Variants in DCLK2 observed in about 807,000 individuals in gnomAD.
DCLK2 encodes the protein serine/threonine-protein kinase DCLK2.
A neutral mutation model predicts 78.4 loss-of-function variants in DCLK2; 31 were observed. That is an observed-to-expected ratio of 0.40 (90% CI 0.30 to 0.53). The LOEUF is 0.53. Ranked by LOEUF, DCLK2 falls within the 20% of genes least tolerant of loss-of-function variation. DCLK2 has a pLI of 0.61. For synonymous variants in DCLK2, 407 were observed against 374.9 expected, an observed-to-expected ratio of 1.09 and a Z score of -0.99; for missense variants, 872 against 973.7, an observed-to-expected ratio of 0.90 and a Z score of 1.39.
chr4:150,198,297 T>A (rs2126421970), intron 4 of DCLK2, among the ~76,000 whole-genome samples, 194 bp downstream of exon 4: 1 of 152,326 alleles, frequency 6.6e-6, no homozygotes, highest in Middle Eastern at 3.4e-3. Context: ...CTAAGAGACT[T>A]GTGTGGTTTT....
intron 1 of DCLK2, 96 bp from the exon 2 acceptor site, chr4:150,102,382 A>G: frequency 8.6e-7 from 1 of 1,160,050 alleles, no homozygotes; most frequent in Non-Finnish European, 1.2e-6. Context: ...ACTAAGGTTA[A>G]GGGTTCACTT....
intron 2 of DCLK2, among the ~76,000 whole-genome samples, chr4:150,181,620 T>G (rs1194313477): frequency 1.3e-5 from 2 of 151,910 alleles, no homozygotes; most frequent in African/African-American, 4.8e-5. Context: ...ATCCAGTGTT[T>G]TTTTATTTTT....
chr4:150,256,375 C>A lies in DCLK2; in HGVS notation c.*128C>A. 1 of 1,301,106 alleles carries A rather than the reference C, an allele frequency of 7.7e-7. No individual in the cohort carries two copies. Among genetic ancestry groups the A allele is most frequent in the Non-Finnish European group, 1.0e-6 (1 of 982,246 alleles). The allele number at this position is 1,301,106 out of a possible 1,614,324, so 80.6% of individuals were successfully genotyped here. ...TGCGCCTGAGTTCGCGGGTCCTCCG[C>A]AGGCCGCCTGGGAACCGGAGCCTGG... On this transcript the variant is annotated 3_prime_UTR_variant, in exon 16 of 16. Coordinates refer to ENST00000296550, the MANE Select transcript of DCLK2 (RefSeq NM_001040260.4).
In DCLK2 at chr4:150,198,083, G is replaced by C. The variant is rs756136401; in HGVS notation, c.941G>C (p.Arg314Pro). 5.0e-6 allele frequency: 8 copies of C among 1,613,344 alleles called. No homozygotes were observed. In the Middle Eastern group the frequency reaches 4.9e-4, roughly 99 times the overall value. ...SGSKSPGPSR[R>P]SKSPASVNGT... ...TCCAAAAGCCCTGGGCCCTCTCGAC[G>C]CAGCAAATCACCAGCTTCAGGTAGT... is the stretch of plus-strand genomic sequence containing the variant. Residue 314 changes from arginine (R) to proline (P), a missense_variant, in exon 4 of 16, where the codon CGC (arginine) becomes CCC (proline). Coordinates refer to ENST00000296550, the MANE Select transcript of DCLK2 (RefSeq NM_001040260.4).
chr4:150,193,862 C>T (rs1163517932), intron 3 of DCLK2, among the ~76,000 whole-genome samples: 1 of 152,054 alleles, frequency 6.6e-6, no homozygotes, highest in Non-Finnish European at 1.5e-5. Flanking sequence ...AGTAATCCTC[C>T]TGCCTCAGCC....
intron 2 of DCLK2, among the ~76,000 whole-genome samples, chr4:150,136,982 T>C (rs113891772): frequency 8.3e-4 from 113 of 136,296 alleles, no homozygotes; most frequent in African/African-American, 1.3e-3. Context: ...TCTTCTTCTT[T>C]TTTTTTTTTT....
In DCLK2 at chr4:150,157,525, G is replaced by T. The variant is rs13434548; in HGVS notation, c.757-35613G>T. Reference sequence around the variant, plus strand: ...TGTTTGTTTGTTTGTTTGTTTGTTTGTTTTTGAGCTGGAGTCTCTCTCTCT... The same window carrying T: ...TGTTTGTTTGTTTGTTTGTTTGTTTTTTTTTGAGCTGGAGTCTCTCTCTCT... On this transcript the variant is annotated intron_variant, in intron 2 of 15. Transcript: ENST00000296550. Among the ~76,000 whole-genome samples the T allele has an allele frequency of 4.9e-3, 396 of 80,234 alleles. 10 individuals carry two copies. Among genetic ancestry groups the T allele is most frequent in the East Asian group, 0.026 (57 of 2,214 alleles). 52.6% of individuals were successfully genotyped at this position (80,234 alleles called of 152,430 possible). A position where few individuals can be genotyped will look rare whatever the true frequency, so the allele number is the denominator to read the frequency against.
chr4:150,240,361 C>T, intron 11 of DCLK2, 38 bp from the exon 12 acceptor site: 7 of 1,580,394 alleles, frequency 4.4e-6, no homozygotes, highest in Non-Finnish European at 5.2e-6. Flanking sequence ...TCTTGGGAGC[C>T]ATCAGTTCTC....
At chr4:150,123,933 G>A (rs947667132) in intron 2 of DCLK2, among the ~76,000 whole-genome samples, 3 of 151,900 alleles carry the variant, frequency 2.0e-5, no homozygotes, top group South Asian at 4.2e-4. Context: ...CCAGCTACTC[G>A]GGTGGCTGAG....
At chr4:150,079,490 C>G (rs533492786) in intron 1 of DCLK2, 42 bp downstream of exon 1, 4 of 1,437,722 alleles carry the variant, frequency 2.8e-6, no homozygotes, top group East Asian at 5.2e-5. Flanking sequence ...GGCGGAGCGC[C>G]GGCAGGTGCA....
chr4:150,177,009 A>C (rs986549922), intron 2 of DCLK2, among the ~76,000 whole-genome samples: 11 of 152,234 alleles, frequency 7.2e-5, no homozygotes, highest in Non-Finnish European at 1.6e-4. Context: ...ATAAGATGCT[A>C]CATGCATACA....
chr4:150,240,039 G>A (rs1742797985), intron 11 of DCLK2, among the ~76,000 whole-genome samples, 164 bp downstream of exon 11: 1 of 152,276 alleles, frequency 6.6e-6, no homozygotes, highest in African/African-American at 2.4e-5. Flanking sequence ...TGCTATTGCT[G>A]CTTGTGTATA....
rs77454086 is a variant in DCLK2, at chr4:150,230,539, C to T, written c.1300-1798C>T. The stretch of plus-strand genomic sequence containing the variant: ...AAAACCTATTTAATGACAGTAGCAA[C>T]TGTTGTCTTTGCTTCACACGGAGGG... On this transcript the variant is annotated intron_variant, in intron 8 of 15. Transcript: ENST00000296550. Among the ~76,000 whole-genome samples, 765 of 152,298 alleles carry T rather than the reference C, an allele frequency of 5.0e-3. 8 individuals are homozygous for T. Among genetic ancestry groups the T allele is most frequent in the African/African-American group, 0.017 (720 of 41,564 alleles).
In DCLK2 at chr4:150,172,764, G is replaced by GTTTTT. The variant is rs747350294; in HGVS notation, c.757-20374_757-20373insTTTTT. ...AGAGAGTGTTCTTTTTTTTTTTGGG[G>GTTTTT]GGGGGGGGGATACCTTGCTCTTTCT... On this transcript the variant is annotated intron_variant, in intron 2 of 15. Transcript: ENST00000296550. 2.2e-4 allele frequency among the ~76,000 whole-genome samples: 28 copies of GTTTTT among 128,084 alleles called. 2 individuals are homozygous for GTTTTT. The highest frequency in any genetic ancestry group is 3.7e-4 in the Admixed American group (5 of 13,376). The allele number at this position is 128,084 out of a possible 152,430, so 84.0% of individuals were successfully genotyped here. A position where few individuals can be genotyped will look rare whatever the true frequency, so the allele number is the denominator to read the frequency against.
chr4:150,235,498 C>G (rs1742426883), intron 10 of DCLK2, among the ~76,000 whole-genome samples: 1 of 152,120 alleles, frequency 6.6e-6, no homozygotes, highest in Non-Finnish European at 1.5e-5. Flanking sequence ...CACCCCTTCC[C>G]AAACCTACGG....
At chr4:150,140,437 G>A (rs1433405920) in intron 2 of DCLK2, among the ~76,000 whole-genome samples, 1 of 152,198 alleles carries the variant, frequency 6.6e-6, no homozygotes, top group Admixed American at 6.5e-5. Flanking sequence ...TACCAGCAAA[G>A]GGGTCCACAG....
intron 2 of DCLK2, among the ~76,000 whole-genome samples, chr4:150,109,533 T>C (rs1731514562): frequency 6.6e-6 from 1 of 152,098 alleles, no homozygotes; most frequent in Non-Finnish European, 1.5e-5. Flanking sequence ...GAGACAGGGT[T>C]TCACCATGTT....
At position 150,249,672 on chromosome 4, in the gene DCLK2, C is replaced by A; in HGVS notation, c.2061C>A (p.Val687=). 3 of 1,613,422 alleles carry A rather than the reference C, an allele frequency of 1.9e-6. No homozygotes were observed. The South Asian group carries it at 3.3e-5, about 18-fold the overall frequency. The change falls in exon 15 of 16, where the codon GTC becomes GTA. Residue 687 remains valine, a synonymous_variant. Coordinates refer to ENST00000296550, the MANE Select transcript of DCLK2 (RefSeq NM_001040260.4). ...LPKQNSTTTG[V]SVIMNTALDK... is the part of the protein sequence containing the mutation. Reference sequence around the variant, plus strand: ...AACAGAACAGCACTACCACCGGGGTCTCCGTCATCATGGTGAGTGGAAGGC... The same window carrying A: ...AACAGAACAGCACTACCACCGGGGTATCCGTCATCATGGTGAGTGGAAGGC...
chr4:150,220,728 C>T lies in DCLK2; in HGVS notation c.1082C>T (p.Ser361Phe). The T allele has an allele frequency of 6.2e-7, 1 of 1,613,828 alleles. No homozygotes were observed. The highest frequency in any genetic ancestry group is 8.5e-7 in the Non-Finnish European group (1 of 1,179,860). ...LKQISAHGRS[S>F]SNVNGGPELD... The stretch of plus-strand genomic sequence containing the variant: ...CAGATTTCTGCTCATGGCAGATCTT[C>T]TTCCAATGTAAACGGTGGACCTGAG... The change falls in exon 6 of 16, where the codon TCT (serine) becomes TTT (phenylalanine). Residue 361 changes from serine to phenylalanine, a missense_variant. Coordinates refer to ENST00000296550, the MANE Select transcript of DCLK2 (RefSeq NM_001040260.4).
Sources: allele counts gnomAD v4.1 joint callset (sites outside exome capture counted in the v4.1 genomes callset), GRCh38; gene constraint gnomAD v4.1.1; transcripts MANE v1.5; gene names NCBI Gene and HGNC (gene_info 2026-07-23, HGNC 2026-07-21).